Variants in GPC3 observed in about 807,000 individuals in gnomAD.
The protein encoded by GPC3 is glypican 3, also known as glypican-3.
In GPC3, 3 loss-of-function variants were observed where a neutral mutation model predicts 34.4. The observed-to-expected ratio is 0.09, with a 90% CI of 0.04 to 0.23. GPC3 has a LOEUF of 0.23. GPC3 is among the 10% of genes least tolerant of loss of function. The probability of loss-of-function intolerance (pLI) is 1.00; values close to 1 mark genes in which losing one functional copy is unlikely to be tolerated. For missense variants in GPC3, 351 were observed against 445.6 expected, an observed-to-expected ratio of 0.79 and a Z score of 1.91; for synonymous variants, 177 against 174.0, an observed-to-expected ratio of 1.02 and a Z score of -0.13.
intron 2 of GPC3, among the ~76,000 whole-genome samples, chrX:133,829,708 A>T (rs997442911): frequency 1.8e-4 from 20 of 112,271 alleles, no homozygotes; most frequent in African/African-American, 6.1e-4. Context: ...AAAAGAAAAA[A>T]ATAATATACT....
At chrX:133,861,364 A>G (rs1248167887) in intron 2 of GPC3, among the ~76,000 whole-genome samples, 1 of 110,433 alleles carries the variant, frequency 9.1e-6, no homozygotes, top group Non-Finnish European at 1.9e-5. Flanking sequence ...AGATTCTAGG[A>G]GCTAGAATCT....
At chrX:133,545,498 GC>G (rs1013734013) in intron 7 of GPC3, among the ~76,000 whole-genome samples, 2 of 110,741 alleles carry the variant, frequency 1.8e-5, no homozygotes, top group African/African-American at 6.6e-5. Context: ...GGGCAACACA[GC>G]AAGACCCATC....
chrX:133,764,512 T>C (rs952785950), intron 2 of GPC3, among the ~76,000 whole-genome samples: 8 of 112,072 alleles, frequency 7.1e-5, no homozygotes, highest in African/African-American at 2.3e-4. Flanking sequence ...GAGTCAAATG[T>C]AACAATGTTA....
At chrX:133,897,252 G>GC (rs1316099662) in intron 2 of GPC3, among the ~76,000 whole-genome samples, 13 of 68,173 alleles carry the variant, frequency 1.9e-4, no homozygotes, top group African/African-American at 7.7e-4. Flanking sequence ...GTCTCACTAT[G>GC]TTGCCCAGGC....
intron 6 of GPC3, among the ~76,000 whole-genome samples, chrX:133,627,101 G>T (rs767412402): frequency 1.0e-5 from 1 of 97,242 alleles, no homozygotes; most frequent in African/African-American, 3.8e-5. Flanking sequence ...ACTCAAAGGT[G>T]GGAATTTAAC....
At chrX:133,549,066 A>G (rs976764964) in intron 7 of GPC3, among the ~76,000 whole-genome samples, 1 of 111,353 alleles carries the variant, frequency 9.0e-6, no homozygotes, top group African/African-American at 3.3e-5. Flanking sequence ...TTTTCCCTCA[A>G]TTTACTCGGA....
At chrX:133,543,211 A>G (rs1415278777) in intron 7 of GPC3, among the ~76,000 whole-genome samples, 1 of 110,839 alleles carries the variant, frequency 9.0e-6, no homozygotes. Context: ...CTCCACCTCC[A>G]GAGTTCAAGT....
At chrX:133,730,500 T>G (rs1752871177) in intron 3 of GPC3, among the ~76,000 whole-genome samples, 1 of 112,103 alleles carries the variant, frequency 8.9e-6, no homozygotes, top group African/African-American at 3.2e-5. Flanking sequence ...GTATTTATAT[T>G]TGATTCCTTC....
chrX:133,951,737 C>G (rs2076393925), intron 2 of GPC3, among the ~76,000 whole-genome samples: 1 of 112,304 alleles, frequency 8.9e-6, no homozygotes, highest in African/African-American at 3.2e-5. Context: ...ACAAATACTT[C>G]AAGCTTATAT....
chrX:133,861,726 G>C (rs528777067), intron 2 of GPC3, among the ~76,000 whole-genome samples: 10 of 110,596 alleles, frequency 9.0e-5, no homozygotes, highest in African/African-American at 3.3e-4. Flanking sequence ...CACGAGATCT[G>C]GCTGTTTAAA....
At chrX:133,593,354 T>TAA (rs1186766438) in intron 7 of GPC3, among the ~76,000 whole-genome samples, 11 of 47,715 alleles carry the variant, frequency 2.3e-4, no homozygotes, top group Non-Finnish European at 4.2e-4. Flanking sequence ...AAAAAAAAAG[T>TAA]AAAAAAAAAA....
At chrX:133,895,500 TAAAG>T (rs2076107398) in intron 2 of GPC3, among the ~76,000 whole-genome samples, 2 of 111,414 alleles carry the variant, frequency 1.8e-5, no homozygotes, top group South Asian at 7.7e-4. Context: ...CATTCCTTAT[TAAAG>T]AAATCATAGG....
chrX:133,838,609 C>T (rs2075809855), intron 2 of GPC3, among the ~76,000 whole-genome samples: 1 of 112,460 alleles, frequency 8.9e-6, no homozygotes, highest in African/African-American at 3.2e-5. Flanking sequence ...CTGAATTTCT[C>T]CATCCTTTAT....
chrX:133,606,858 C>G (rs2070056389), intron 6 of GPC3, among the ~76,000 whole-genome samples: 1 of 111,685 alleles, frequency 9.0e-6, no homozygotes, highest in Non-Finnish European at 1.9e-5. Flanking sequence ...AGCTTAGTAT[C>G]TGGTACACAG....
At chrX:133,803,772 C>G (rs2124521378) in intron 2 of GPC3, among the ~76,000 whole-genome samples, 1 of 111,708 alleles carries the variant, frequency 9.0e-6, no homozygotes, top group South Asian at 3.8e-4. Flanking sequence ...CCCTATATTA[C>G]TGTGCAAAAA....
In GPC3 at chrX:133,716,806, A is replaced by G. The variant is rs747334932; in HGVS notation, c.1033-16778T>C. ...AAAAGCTTCCCAAATTTGATGCAAAATATTAATCCACACATCCAAGAAACT... is the reference window on the plus strand; with the variant it reads ...AAAAGCTTCCCAAATTTGATGCAAAGTATTAATCCACACATCCAAGAAACT... On this transcript the variant is annotated intron_variant, in intron 3 of 7. Coordinates refer to ENST00000370818, the MANE Select transcript of GPC3 (RefSeq NM_004484.4). 8.0e-5 allele frequency among the ~76,000 whole-genome samples: 9 copies of G among 111,853 alleles called. No homozygotes were observed. The East Asian group carries it at 2.3e-3, about 28-fold the overall frequency.
At chrX:133,946,625 C>T (rs1040687930) in intron 2 of GPC3, among the ~76,000 whole-genome samples, 1 of 110,600 alleles carries the variant, frequency 9.0e-6, no homozygotes, top group Non-Finnish European at 1.9e-5. Flanking sequence ...TTAATCATTA[C>T]ACTCCATTGC....
chrX:133,807,319 A>C (rs1055608536), intron 2 of GPC3, among the ~76,000 whole-genome samples: 2 of 111,781 alleles, frequency 1.8e-5, no homozygotes, highest in African/African-American at 6.5e-5. Context: ...ACCTTCCACC[A>C]GTGGAAGCTT....
At chrX:133,779,544 A>G (rs757931432) in intron 2 of GPC3, among the ~76,000 whole-genome samples, 45 of 112,053 alleles carry the variant, frequency 4.0e-4, no homozygotes, top group African/African-American at 1.4e-3. Context: ...TAAAATATAT[A>G]CAAAATGATT....
Sources: gnomAD v4.1 joint callset for allele counts (sites outside exome capture counted in the v4.1 genomes callset) on GRCh38, gnomAD v4.1.1 for gene constraint, MANE v1.5 for transcripts, NCBI Gene and HGNC (gene_info 2026-07-23, HGNC 2026-07-21) for gene names.